The following SEC31B variants were observed in gnomAD, a reference collection of about 807,000 sequenced individuals.
The protein encoded by SEC31B is protein transport protein Sec31B.
A neutral mutation model predicts 135.0 loss-of-function variants in SEC31B; 113 were observed. The ratio of observed to expected loss-of-function variants is 0.84; its 90% CI spans 0.72 to 0.98. The LOEUF (loss-of-function observed/expected upper bound fraction) is 0.98. Ranked by LOEUF, SEC31B falls within the 50% of genes least tolerant of loss-of-function variation. SEC31B has a pLI of 0.00. For missense variants in SEC31B, 1,296 were observed against 1,421.1 expected (o/e 0.91, Z 1.42); for synonymous variants, 508 against 549.4 (o/e 0.92, Z 1.05).
chr10:100,505,781 C>T, intron 9 of SEC31B: 2 of 1,415,928 alleles, frequency 1.4e-6, no homozygotes, highest in Non-Finnish European at 1.8e-6. Context: ...AATAACTGTC[C>T]CAGCAAAGGG....
chr10:100,510,161 T>A (rs981726225), intron 3 of SEC31B, among the ~76,000 whole-genome samples: 7 of 152,208 alleles, frequency 4.6e-5, no homozygotes, highest in Non-Finnish European at 8.8e-5. Flanking sequence ...TAAAATACTG[T>A]CTCCTATTGA....
In SEC31B at chr10:100,506,029, G is replaced by C. The variant is rs1851623350; in HGVS notation, c.1044+11C>G. On this transcript the variant is annotated intron_variant, in intron 9 of 25. Coordinates refer to ENST00000370345, the MANE Select transcript of SEC31B (RefSeq NM_015490.4). ...CCTTCCCTCCAGCATTCTCTACCAA[G>C]CCCTTCAAACCTTGTCAGCCTGTCT... The C allele has an allele frequency of 6.2e-7, 1 of 1,613,032 alleles. No individual in the cohort carries two copies. The highest frequency in any genetic ancestry group is 8.5e-7 in the Non-Finnish European group (1 of 1,179,998).
At chr10:100,488,613 C>CA (rs1203282945) in intron 24 of SEC31B, among the ~76,000 whole-genome samples, 17 of 152,176 alleles carry the variant, frequency 1.1e-4, no homozygotes, top group African/African-American at 3.9e-4. Context: ...GCTCCACCCT[C>CA]CTTCCAGTAC....
At chr10:100,512,370 T>A (rs1471527947) in intron 3 of SEC31B, among the ~76,000 whole-genome samples, 3 of 152,204 alleles carry the variant, frequency 2.0e-5, no homozygotes, top group Non-Finnish European at 2.9e-5. Flanking sequence ...AACAGTGTGA[T>A]ATTCTCCCAG....
intron 3 of SEC31B, among the ~76,000 whole-genome samples, chr10:100,515,610 A>G (rs918335721): frequency 6.6e-6 from 1 of 152,224 alleles, no homozygotes; most frequent in African/African-American, 2.4e-5. Flanking sequence ...CCCCTAGCAC[A>G]GTGTCTGGCA....
Position 100,507,922 on chromosome 10 carries a change from C to T in SEC31B, c.625G>A (p.Asp209Asn). 6.2e-7 allele frequency: 1 copy of T among 1,614,208 alleles called. No individual in the cohort carries two copies. The highest frequency in any genetic ancestry group is 8.5e-7 in the Non-Finnish European group (1 of 1,180,038). ...CCAATACTCACCCTGTTGCTGTGAT[C>T]ACTGACTTTGATGATAGGTTCATTC... Reference protein sequence around the residue: ...RKNEPIIKVSDHSNRMHCSGL... With the variant: ...RKNEPIIKVSNHSNRMHCSGL... The change falls in exon 6 of 26, where the codon GAT becomes AAT. Residue 209 changes from aspartate to asparagine, a missense_variant. By Grantham distance (23) the Asp-to-Asn change is conservative. Coordinates refer to ENST00000370345, the MANE Select transcript of SEC31B (RefSeq NM_015490.4).
chr10:100,495,688 T>C (rs1851395107), intron 18 of SEC31B, 142 bp from the exon 19 acceptor site: 4 of 992,564 alleles, frequency 4.0e-6, no homozygotes, highest in Non-Finnish European at 6.0e-6. Flanking sequence ...TGTTCTGTTT[T>C]GTTTTGTTTT....
At chr10:100,516,452 C>T (rs1356491907) in intron 2 of SEC31B, among the ~76,000 whole-genome samples, 1 of 151,930 alleles carries the variant, frequency 6.6e-6, no homozygotes, top group Non-Finnish European at 1.5e-5. Flanking sequence ...TCGAGACCAT[C>T]CTGGCTAACA....
intron 16 of SEC31B, 161 bp from the exon 17 acceptor site, chr10:100,497,441 C>T (rs1011446870): frequency 2.0e-4 from 295 of 1,477,314 alleles, no homozygotes; most frequent in Non-Finnish European, 2.4e-4. Context: ...AAAGTTCTCA[C>T]ATCATGGTGT....
Position 100,499,031 on chromosome 10 carries a change from G to A in SEC31B, c.1584+129C>T, listed in dbSNP as rs1851466899. On this transcript the variant is annotated intron_variant, in intron 13 of 25. Coordinates refer to ENST00000370345, the MANE Select transcript of SEC31B (RefSeq NM_015490.4). ...TCTCACTCTGGTTCTAAGAGAGTGAGGAGTCTGAAGACTTCTACAGACGCT... is the reference window on the plus strand; with the variant it reads ...TCTCACTCTGGTTCTAAGAGAGTGAAGAGTCTGAAGACTTCTACAGACGCT... The A allele has an allele frequency of 4.0e-6, 3 of 757,670 alleles. No individual in the cohort carries two copies. The South Asian group carries it at 5.0e-5, about 13-fold the overall frequency. 46.9% of individuals were successfully genotyped at this position (757,670 alleles called of 1,614,324 possible). A position where few individuals can be genotyped will look rare whatever the true frequency, so the allele number is the denominator to read the frequency against.
chr10:100,505,299 A>AAC (rs58897924), intron 10 of SEC31B, 62 bp downstream of exon 10: 32,910 of 1,476,676 alleles, frequency 0.022, 197 homozygotes, highest in African/African-American at 0.081. Context: ...AGGCTTCACA[A>AAC]ACACACACAC....
At chr10:100,511,502 G>A (rs1183689963) in intron 3 of SEC31B, among the ~76,000 whole-genome samples, 1 of 152,208 alleles carries the variant, frequency 6.6e-6, no homozygotes, top group African/African-American at 2.4e-5. Context: ...GGGCACAGTG[G>A]CTCACACCTA....
intron 21 of SEC31B, 52 bp downstream of exon 21, chr10:100,489,956 G>C (rs2133669096): frequency 6.5e-7 from 1 of 1,531,008 alleles, no homozygotes; most frequent in Non-Finnish European, 8.8e-7. Flanking sequence ...AGTAGTGAGA[G>C]GAGCAGGGGA....
chr10:100,499,477 TTCTTC>T (rs1396403079), intron 12 of SEC31B, 42 bp downstream of exon 12: 1 of 1,477,480 alleles, frequency 6.8e-7, no homozygotes, highest in East Asian at 2.3e-5. Context: ...CAACATTCTC[TTCTTC>T]TCTTCAACAA....
At chr10:100,490,428 T>G (rs1851280365) in intron 20 of SEC31B, 106 bp from the exon 21 acceptor site, 2 of 1,150,422 alleles carry the variant, frequency 1.7e-6, no homozygotes, top group Admixed American at 6.1e-5. Context: ...AATAAATGAT[T>G]AATACATGTA....
At chr10:100,517,125 C>G (rs998582443) in intron 1 of SEC31B, 128 bp from the exon 2 acceptor site, 2 of 598,066 alleles carry the variant, frequency 3.3e-6, no homozygotes, top group African/African-American at 3.7e-5. Flanking sequence ...AATACATGAC[C>G]ATCTGCAGAT....
chr10:100,507,389 T>A (rs1349377580), intron 7 of SEC31B, 36 bp downstream of exon 7: 1 of 1,613,418 alleles, frequency 6.2e-7, no homozygotes, highest in Non-Finnish European at 8.5e-7. Context: ...ATATCCACCA[T>A]CCCCCCAAGG....
At chr10:100,498,645 A>G in intron 14 of SEC31B, 60 bp downstream of exon 14, 2 of 1,305,618 alleles carry the variant, frequency 1.5e-6, no homozygotes, top group East Asian at 4.6e-5. Flanking sequence ...TCAAGTCCAA[A>G]ACCTCCGTGC....
chr10:100,503,590 C>G (rs368541262), intron 10 of SEC31B, among the ~76,000 whole-genome samples: 2 of 151,930 alleles, frequency 1.3e-5, no homozygotes, highest in Non-Finnish European at 2.9e-5. Context: ...TGCACCACCA[C>G]GCCCGGCTAA....
Sources: allele counts gnomAD v4.1 joint callset (sites outside exome capture counted in the v4.1 genomes callset), GRCh38; gene constraint gnomAD v4.1.1; transcripts MANE v1.5; gene names NCBI Gene and HGNC (gene_info 2026-07-23, HGNC 2026-07-21).